The following REV1 variants were observed in gnomAD, a reference collection of about 807,000 sequenced individuals.
The protein encoded by REV1 is REV1 DNA directed polymerase.
Under a neutral mutation model 137.4 loss-of-function variants are expected in REV1, and 42 were observed. The ratio of observed to expected loss-of-function variants is 0.31; its 90% CI spans 0.24 to 0.40. The LOEUF (loss-of-function observed/expected upper bound fraction) is 0.40, where lower values mean the gene tolerates loss of function less well. Among genes scored for constraint, REV1 ranks in the 10% least tolerant of loss-of-function variants. The pLI, the probability that REV1 is intolerant of heterozygous loss-of-function variation, is 1.00. For synonymous variants in REV1, 524 were observed against 519.2 expected (o/e 1.01, Z -0.12); for missense variants, 1,282 against 1,490.1 (o/e 0.86, Z 2.30).
At chr2:99,482,694 G>A (rs763847299) in intron 1 of REV1, among the ~76,000 whole-genome samples, 7 of 152,034 alleles carry the variant, frequency 4.6e-5, no homozygotes, top group Admixed American at 2.0e-4. Context: ...TGTTTGCTTC[G>A]GCTGCACATA....
intron 1 of REV1, among the ~76,000 whole-genome samples, chr2:99,483,395 C>A (rs955765133): frequency 6.6e-6 from 1 of 152,164 alleles, no homozygotes; most frequent in African/African-American, 2.4e-5. Context: ...TGGGTATGAT[C>A]AGGAATGACT....
chr2:99,431,965 T>C (rs1680181487), intron 8 of REV1: 1 of 888,386 alleles, frequency 1.1e-6, no homozygotes, highest in South Asian at 5.2e-5. Context: ...TCGCTGAGAA[T>C]AAATCTATGA....
At chr2:99,482,579 A>G (rs1278720057) in intron 1 of REV1, among the ~76,000 whole-genome samples, 1 of 152,162 alleles carries the variant, frequency 6.6e-6, no homozygotes, top group East Asian at 1.9e-4. Context: ...ATTACACTAC[A>G]GCTATAAAAT....
At chr2:99,469,764 T>C (rs1330967693) in intron 1 of REV1, among the ~76,000 whole-genome samples, 11 of 152,206 alleles carry the variant, frequency 7.2e-5, no homozygotes, top group Admixed American at 6.5e-4. Context: ...CATTCTAAAC[T>C]TTATTCTGCT....
At chr2:99,411,091 C>T (rs1452527686) in intron 13 of REV1, among the ~76,000 whole-genome samples, 2 of 152,134 alleles carry the variant, frequency 1.3e-5, no homozygotes, top group Admixed American at 6.5e-5. Flanking sequence ...AGTTCGAGAC[C>T]AGCCTGGCCA....
chr2:99,482,841 A>AC (rs1176978717), intron 1 of REV1, among the ~76,000 whole-genome samples: 1 of 151,764 alleles, frequency 6.6e-6, no homozygotes, highest in African/African-American at 2.4e-5. Flanking sequence ...ACATGGTGAA[A>AC]CCCCGTCTCT....
rs1678281909 is a variant in REV1, at chr2:99,419,069, T to C, written c.1832-122A>G. 10 of 849,594 alleles carry C rather than the reference T, an allele frequency of 1.2e-5. No individual in the cohort carries two copies. The South Asian group carries it at 1.7e-4, about 14-fold the overall frequency. The allele number at this position is 849,594 out of a possible 1,614,324, so 52.6% of individuals were successfully genotyped here. A position where few individuals can be genotyped will look rare whatever the true frequency, so the allele number is the denominator to read the frequency against. On this transcript the variant is annotated intron_variant, in intron 11 of 22. Coordinates refer to ENST00000258428, the MANE Select transcript of REV1 (RefSeq NM_016316.4). ...AAACAATGAAAATAAATTTTGATTA[T>C]TTCAAATAAGGTGTAGAATTTTGCT...
At chr2:99,452,079 AT>A (rs1195230599) in intron 3 of REV1, among the ~76,000 whole-genome samples, 1 of 152,148 alleles carries the variant, frequency 6.6e-6, no homozygotes, top group Non-Finnish European at 1.5e-5. Context: ...TAATAAATTC[AT>A]TTTTGTATTT....
chr2:99,451,478 G>A (rs1682913923), intron 3 of REV1: 1 of 1,304,058 alleles, frequency 7.7e-7, no homozygotes, highest in South Asian at 1.2e-5. Flanking sequence ...ATTCTTCAGT[G>A]TGAAGTGAAG....
At chr2:99,453,900 A>C (rs901070191) in intron 3 of REV1, among the ~76,000 whole-genome samples, 78 of 141,828 alleles carry the variant, frequency 5.5e-4, no homozygotes, top group Non-Finnish European at 9.5e-5. Context: ...CTCAAAAAAA[A>C]AAAAAAAAAA....
chr2:99,467,242 T>G (rs938349384), intron 1 of REV1, among the ~76,000 whole-genome samples: 16 of 151,784 alleles, frequency 1.1e-4, no homozygotes, highest in Non-Finnish European at 1.3e-4. Flanking sequence ...GAAACACAGT[T>G]ATAATACAAA....
intron 3 of REV1, among the ~76,000 whole-genome samples, chr2:99,454,607 T>C (rs1683334978): frequency 7.3e-6 from 1 of 136,902 alleles, no homozygotes; most frequent in East Asian, 2.3e-4. Context: ...AAATTACGTG[T>C]GGTGGCACAC....
At chr2:99,425,043 G>C in intron 9 of REV1, 1 of 548,504 alleles carries the variant, frequency 1.8e-6, no homozygotes, top group Non-Finnish European at 2.5e-6. Flanking sequence ...AAAGAATCAA[G>C]AAAAAAAATT....
chr2:99,485,914 C>T (rs964026150), intron 1 of REV1, among the ~76,000 whole-genome samples: 4 of 151,946 alleles, frequency 2.6e-5, no homozygotes, highest in Non-Finnish European at 4.4e-5. Context: ...GACTGTAGCC[C>T]AAGAGTTTGA....
chr2:99,467,788 G>A (rs778340647), intron 1 of REV1, among the ~76,000 whole-genome samples: 7 of 152,168 alleles, frequency 4.6e-5, no homozygotes, highest in Non-Finnish European at 8.8e-5. Flanking sequence ...GCTCACCCCT[G>A]TAATCCCAGC....
intron 22 of REV1, among the ~76,000 whole-genome samples, chr2:99,401,746 C>CT (rs1553538117): frequency 4.6e-5 from 7 of 151,428 alleles, no homozygotes; most frequent in African/African-American, 1.7e-4. Context: ...GACTCCATCT[C>CT]AAAAAAAATA....
At chr2:99,452,164 C>T (rs1683002413) in intron 3 of REV1, among the ~76,000 whole-genome samples, 1 of 152,096 alleles carries the variant, frequency 6.6e-6, no homozygotes, top group Admixed American at 6.6e-5. Flanking sequence ...GTGGCTCACA[C>T]CTGTAATTCC....
In REV1 at chr2:99,489,992, A is replaced by C. The variant is rs1299830342; in HGVS notation, c.-186T>G. 4 of 146,826 alleles carry C rather than the reference A, an allele frequency of 2.7e-5. No individual in the cohort carries two copies. Among genetic ancestry groups the C allele is most frequent in the Admixed American group, 2.7e-4 (4 of 14,846 alleles). 9.1% of individuals were successfully genotyped at this position (146,826 alleles called of 1,614,324 possible). A position where few individuals can be genotyped will look rare whatever the true frequency, so the allele number is the denominator to read the frequency against. On this transcript the variant is annotated 5_prime_UTR_variant, in exon 1 of 23. Coordinates refer to ENST00000258428, the MANE Select transcript of REV1 (RefSeq NM_016316.4). ...CGCTCCCCCACGCTCGCGGCAACCAACCCCGCGCGCGCTCCGCGGTGGCTC... is the reference window on the plus strand; with the variant it reads ...CGCTCCCCCACGCTCGCGGCAACCACCCCCGCGCGCGCTCCGCGGTGGCTC...
chr2:99,403,808 G>C lies in REV1; in HGVS notation c.3053C>G (p.Pro1018Arg), dbSNP rs752914454. Residue 1018 changes from proline to arginine, a missense_variant, in exon 19 of 23, where the codon CCT becomes CGT. Transcript: ENST00000258428. Reference protein sequence around the residue: ...IALPAFSQVDPEVFAALPAEL... With the variant: ...IALPAFSQVDREVFAALPAEL... ...AGCAGGAAGGGCAGCAAATACCTCA[G>C]GGTCCACCTAGTGGAAAAGACGAGG... 6.2e-7 allele frequency: 1 copy of C among 1,613,986 alleles called. No homozygotes were observed. The highest frequency in any genetic ancestry group is 1.3e-5 in the African/African-American group (1 of 74,920).
Sources: allele counts gnomAD v4.1 joint callset (sites outside exome capture counted in the v4.1 genomes callset), GRCh38; gene constraint gnomAD v4.1.1; transcripts MANE v1.5; gene names NCBI Gene and HGNC (gene_info 2026-07-23, HGNC 2026-07-21).